Variants in MRPL42 observed in about 807,000 individuals in gnomAD.
MRPL42 encodes the protein large ribosomal subunit protein mL42.
In MRPL42, 17 loss-of-function variants were observed where a neutral mutation model predicts 17.9. The observed-to-expected ratio is 0.95, with a 90% CI of 0.65 to 1.42. The LOEUF (loss-of-function observed/expected upper bound fraction) is 1.42. Ranked by LOEUF, MRPL42 falls within the 40% of genes most tolerant of loss-of-function variation. The pLI is 0.00. For missense variants in MRPL42, 177 were observed against 175.2 expected (o/e 1.01, Z -0.06); for synonymous variants, 59 against 54.4 (o/e 1.08, Z -0.37).
Position 93,508,872 on chromosome 12 carries a change from T to TCA in MRPL42, c.*7659_*7660dup, listed in dbSNP as rs1953697769. On this transcript the variant is annotated 3_prime_UTR_variant, in exon 6 of 6. Coordinates refer to ENST00000549982, the MANE Select transcript of MRPL42 (RefSeq NM_014050.4). ...TATATATTTTAACACTGTCTCTTTTTCACACACACTAGTTAGCTAAGAATG... is the reference window on the plus strand; with the variant it reads ...TATATATTTTAACACTGTCTCTTTTTCACACACACACTAGTTAGCTAAGAATG... 1 of 152,246 alleles carries TCA rather than the reference T, an allele frequency of 6.6e-6. No homozygotes were observed. Among genetic ancestry groups the TCA allele is most frequent in the East Asian group, 1.9e-4 (1 of 5,174 alleles). 9.4% of individuals were successfully genotyped at this position (152,246 alleles called of 1,614,324 possible).
intron 3 of MRPL42, among the ~76,000 whole-genome samples, chr12:93,479,025 G>T (rs566562392): frequency 6.6e-6 from 1 of 150,720 alleles, no homozygotes; most frequent in South Asian, 2.1e-4. Context: ...TCTGCCTCCT[G>T]GGTTCAAGTG....
rs1953616827 is a variant in MRPL42 at position 93,502,991 on chromosome 12, TGA to T, written c.*1771_*1772del. On this transcript the variant is annotated 3_prime_UTR_variant, in exon 6 of 6. Coordinates refer to ENST00000549982, the MANE Select transcript of MRPL42 (RefSeq NM_014050.4). ...TTTTGCTAAATAAGCACATAGTCCG[TGA>T]TCACCAGCATCACCTGCCCTCTGTT... The T allele has an allele frequency of 5.9e-5, 1 of 16,980 alleles. No homozygotes were observed. The highest frequency in any genetic ancestry group is 6.0e-4 in the East Asian group (1 of 1,660). 1.1% of individuals were successfully genotyped at this position (16,980 alleles called of 1,614,324 possible). A position where few individuals can be genotyped will look rare whatever the true frequency, so the allele number is the denominator to read the frequency against.
intron 5 of MRPL42, among the ~76,000 whole-genome samples, chr12:93,490,877 A>G (rs1306276684): frequency 6.6e-6 from 1 of 152,142 alleles, no homozygotes; most frequent in Non-Finnish European, 1.5e-5. Flanking sequence ...TATAAAACAC[A>G]TTTTATTTTT....
chr12:93,480,512 A>G (rs180988204), intron 4 of MRPL42, among the ~76,000 whole-genome samples: 15 of 150,750 alleles, frequency 1.0e-4, no homozygotes, highest in Admixed American at 9.9e-4. Flanking sequence ...CATTAGGGTC[A>G]GGGTGCCGGT....
At position 93,511,424 on chromosome 12, in the gene MRPL42, A is replaced by G. The variant is rs1476642542; in HGVS notation, c.*10203A>G. 1.3e-5 allele frequency: 2 copies of G among 151,790 alleles called. No individual in the cohort carries two copies. Among genetic ancestry groups the G allele is most frequent in the Non-Finnish European group, 1.5e-5 (1 of 67,732 alleles). 9.4% of individuals were successfully genotyped at this position (151,790 alleles called of 1,614,324 possible). A position where few individuals can be genotyped will look rare whatever the true frequency, so the allele number is the denominator to read the frequency against. Reference sequence around the variant, plus strand: ...AAAACTAAAAAATGCAATTAAGACAATAATCTTATATATAGACAATAATTG... The same window carrying G: ...AAAACTAAAAAATGCAATTAAGACAGTAATCTTATATATAGACAATAATTG... On this transcript the variant is annotated 3_prime_UTR_variant, in exon 6 of 6. Transcript: ENST00000549982.
chr12:93,490,976 C>T (rs1318120440), intron 5 of MRPL42, among the ~76,000 whole-genome samples: 6 of 152,128 alleles, frequency 3.9e-5, no homozygotes, highest in African/African-American at 1.2e-4. Flanking sequence ...CTGCAACCTC[C>T]GCCTCCCGGA....
chr12:93,471,765 GA>G (rs1416057315), intron 2 of MRPL42, among the ~76,000 whole-genome samples: 1 of 152,104 alleles, frequency 6.6e-6, no homozygotes, highest in African/African-American at 2.4e-5. Flanking sequence ...AGAGACTTTG[GA>G]TATAAACCAA....
intron 5 of MRPL42, among the ~76,000 whole-genome samples, chr12:93,491,488 C>T (rs1461815868): frequency 6.6e-6 from 1 of 152,074 alleles, no homozygotes; most frequent in African/African-American, 2.4e-5. Context: ...ACTTAGAGAC[C>T]AAAGTGCTAT....
intron 4 of MRPL42, among the ~76,000 whole-genome samples, chr12:93,485,982 T>C (rs1346503614): frequency 2.0e-5 from 3 of 152,088 alleles, no homozygotes; most frequent in Admixed American, 2.0e-4. Context: ...ATTTATTTTT[T>C]GTTTTTAAAT....
chr12:93,495,754 G>T (rs1953488935), intron 5 of MRPL42, among the ~76,000 whole-genome samples: 1 of 152,140 alleles, frequency 6.6e-6, no homozygotes, highest in Non-Finnish European at 1.5e-5. Context: ...CCTTGATTAA[G>T]AATCTGATAA....
At chr12:93,497,994 T>C (rs7316701) in intron 5 of MRPL42, among the ~76,000 whole-genome samples, 72,186 of 109,362 alleles carry the variant, frequency 0.66, 24,075 homozygotes, top group Middle Eastern at 0.7. Flanking sequence ...CTTCCTTCCA[T>C]CTCAGGGCTT....
At position 93,505,416 on chromosome 12, in the gene MRPL42, A is replaced by G. The variant is rs1953658554; in HGVS notation, c.*4195A>G. On this transcript the variant is annotated 3_prime_UTR_variant, in exon 6 of 6. Transcript: ENST00000549982. ...TATCAGCCCACAAACACTGGTAGTA[A>G]GCAAACTATTTTATTTGCTAAAGGC... The G allele has an allele frequency of 6.6e-6, 1 of 152,230 alleles. No individual in the cohort carries two copies. The highest frequency in any genetic ancestry group is 1.5e-5 in the Non-Finnish European group (1 of 68,036). The allele number at this position is 152,230 out of a possible 1,614,324, so 9.4% of individuals were successfully genotyped here.
In MRPL42 at chr12:93,505,751, C is replaced by T. The variant is rs7976441; in HGVS notation, c.*4530C>T. On this transcript the variant is annotated 3_prime_UTR_variant, in exon 6 of 6. Transcript: ENST00000549982. ...TGATTTAGTAACAACCTCATACTTA[C>T]ATAGCATATCCTTCTGCAGAAATGC... 58,952 of 151,970 alleles carry T rather than the reference C, an allele frequency of 0.39. 12,114 individuals are homozygous for T. Among genetic ancestry groups the T allele is most frequent in the African/African-American group, 0.53 (21,757 of 41,406 alleles). The allele number at this position is 151,970 out of a possible 1,614,324, so 9.4% of individuals were successfully genotyped here.
intron 4 of MRPL42, among the ~76,000 whole-genome samples, chr12:93,479,991 A>C (rs777837817): frequency 6.6e-6 from 1 of 151,904 alleles, no homozygotes; most frequent in Non-Finnish European, 1.5e-5. Context: ...TAAAAAGCCA[A>C]GTACTAGATA....
At chr12:93,469,134 T>C in intron 1 of MRPL42, 58 bp from the exon 2 acceptor site, 1 of 573,164 alleles carries the variant, frequency 1.7e-6, no homozygotes, top group Non-Finnish European at 3.0e-6. Context: ...TCTTGTGGTG[T>C]TTAATATAAC....
rs1880660989 is a variant in MRPL42, at chr12:93,485,005, T to TATATATATACAC, written c.220-2483_220-2482insCACATATATATA. On this transcript the variant is annotated intron_variant, in intron 4 of 5. Coordinates refer to ENST00000549982, the MANE Select transcript of MRPL42 (RefSeq NM_014050.4). ...ATATATATATATATATATATATATA[T>TATATATATACAC]ATATATATATATATATATATATAAA... is the stretch of plus-strand genomic sequence containing the variant. Among the ~76,000 whole-genome samples the TATATATATACAC allele has an allele frequency of 3.8e-4, 19 of 49,700 alleles. 2 individuals carry two copies. The highest frequency in any genetic ancestry group is 1.7e-3 in the African/African-American group (18 of 10,414). 32.6% of individuals were successfully genotyped at this position (49,700 alleles called of 152,430 possible). A position where few individuals can be genotyped will look rare whatever the true frequency, so the allele number is the denominator to read the frequency against.
At chr12:93,471,916 A>G (rs1235474901) in intron 2 of MRPL42, among the ~76,000 whole-genome samples, 1 of 152,238 alleles carries the variant, frequency 6.6e-6, no homozygotes, top group Non-Finnish European at 1.5e-5. Context: ...GCTAATGAGA[A>G]GTCACATCCA....
chr12:93,481,051 A>C (rs1165881571), intron 4 of MRPL42, among the ~76,000 whole-genome samples: 1 of 152,144 alleles, frequency 6.6e-6, no homozygotes, highest in African/African-American at 2.4e-5. Context: ...ATTTTGTTAA[A>C]TATCTTCGGT....
Position 93,505,521 on chromosome 12 carries a change from C to T in MRPL42, c.*4300C>T, listed in dbSNP as rs993594388. 7.2e-5 allele frequency: 11 copies of T among 151,768 alleles called. No individual in the cohort carries two copies. Among genetic ancestry groups the T allele is most frequent in the Non-Finnish European group, 1.5e-4 (10 of 67,984 alleles). The allele number at this position is 151,768 out of a possible 1,614,324, so 9.4% of individuals were successfully genotyped here. A position where few individuals can be genotyped will look rare whatever the true frequency, so the allele number is the denominator to read the frequency against. On this transcript the variant is annotated 3_prime_UTR_variant, in exon 6 of 6. Transcript: ENST00000549982. The stretch of plus-strand genomic sequence containing the variant: ...TTTTTTCCCCAGAAGTTCAAAATAA[C>T]TTGCTCATAGTCTTCCCAAAATAAT...
Sources: gnomAD v4.1 joint callset for allele counts (sites outside exome capture counted in the v4.1 genomes callset) on GRCh38, gnomAD v4.1.1 for gene constraint, MANE v1.5 for transcripts, NCBI Gene and HGNC (gene_info 2026-07-23, HGNC 2026-07-21) for gene names.